Variants in PEX11G observed in about 807,000 individuals in gnomAD.
PEX11G encodes peroxisomal biogenesis factor 11 gamma, also known as peroxisomal membrane protein 11C.
PEX11G carries 20 observed loss-of-function variants against 22.5 expected under a neutral mutation model. The ratio of observed to expected loss-of-function variants is 0.89; its 90% CI spans 0.62 to 1.29. The LOEUF (loss-of-function observed/expected upper bound fraction) is 1.29, where lower values mean the gene tolerates loss of function less well. Among genes scored for constraint, PEX11G ranks in the 50% most tolerant of loss-of-function variants. The pLI is 0.00. For missense variants in PEX11G, 347 were observed against 331.3 expected (o/e 1.05, Z -0.37); for synonymous variants, 141 against 154.5 (o/e 0.91, Z 0.65).
At chr19:7,494,458 C>A (rs1282128607) in intron 1 of PEX11G, among the ~76,000 whole-genome samples, 1 of 152,224 alleles carries the variant, frequency 6.6e-6, no homozygotes, top group Non-Finnish European at 1.5e-5. Context: ...TCACTGGCCG[C>A]AAAGCCTGCT....
rs149433025 is a variant in PEX11G at position 7,485,157 on chromosome 19, T to TAA, written c.249+679_249+680dup. Among the ~76,000 whole-genome samples the TAA allele has an allele frequency of 4.6e-5, 7 of 150,708 alleles. No individual in the cohort carries two copies. The South Asian group carries it at 1.1e-3, about 23-fold the overall frequency. On this transcript the variant is annotated intron_variant, in intron 2 of 4. Coordinates refer to ENST00000221480, the MANE Select transcript of PEX11G (RefSeq NM_080662.4). ...GTATGACAAAGCAAGACCCTGTCTA[T>TAA]AAAAAAAATTTTTTTTGTTTGTTTT...
chr19:7,490,742 C>T (rs1054162654), upstream of PEX11G, among the ~76,000 whole-genome samples: 14 of 139,746 alleles, frequency 1.0e-4, no homozygotes, highest in African/African-American at 3.5e-4. Context: ...GCTCTCTGGG[C>T]CTGAGGACCC....
upstream of PEX11G, among the ~76,000 whole-genome samples, chr19:7,492,428 G>A (rs968454572): frequency 8.5e-5 from 13 of 152,052 alleles, no homozygotes; most frequent in Non-Finnish European, 1.9e-4. Flanking sequence ...ATGTCAACGA[G>A]TCTGTTTGTT....
intron 1 of PEX11G, 119 bp downstream of exon 1, chr19:7,488,832 G>A (rs1333471865): frequency 3.8e-6 from 4 of 1,039,672 alleles, no homozygotes; most frequent in African/African-American, 1.6e-5. Flanking sequence ...AGCCTAGCTC[G>A]GACGGGGCCT....
At chr19:7,493,507 C>A (rs1264640665), upstream of PEX11G, among the ~76,000 whole-genome samples, 1 of 142,512 alleles carries the variant, frequency 7.0e-6, no homozygotes, top group South Asian at 2.3e-4. Context: ...TTTTTTTTTT[C>A]TTCTTGTTTG....
intron 1 of PEX11G, among the ~76,000 whole-genome samples, chr19:7,494,407 A>G (rs73488471): frequency 0.034 from 5,138 of 152,316 alleles, 171 homozygotes; most frequent in African/African-American, 0.083. Flanking sequence ...TAAAACAAAA[A>G]AAAATCCAAA....
At chr19:7,482,749 G>A (rs1977554790) in intron 2 of PEX11G, among the ~76,000 whole-genome samples, 1 of 152,168 alleles carries the variant, frequency 6.6e-6, no homozygotes, top group African/African-American at 2.4e-5. Flanking sequence ...GCCACCGCAC[G>A]CCCACTGCTG....
intron 1 of PEX11G, 40 bp downstream of exon 1, chr19:7,488,911 A>C (rs1568384328): frequency 6.5e-7 from 1 of 1,544,652 alleles, no homozygotes; most frequent in Middle Eastern, 1.7e-4. Flanking sequence ...AGCTTGGGCC[A>C]AACTCTAGGA....
chr19:7,494,284 C>T (rs1269184735), intron 1 of PEX11G, among the ~76,000 whole-genome samples: 1 of 151,876 alleles, frequency 6.6e-6, no homozygotes, highest in Non-Finnish European at 1.5e-5. Context: ...CCCAGCTACT[C>T]AGGAGTCTGA....
chr19:7,478,571 C>T (rs1242082119), intron 3 of PEX11G, among the ~76,000 whole-genome samples, 195 bp from the exon 4 acceptor site: 1 of 152,238 alleles, frequency 6.6e-6, no homozygotes, highest in African/African-American at 2.4e-5. Context: ...AACACGGCCC[C>T]GTCCCACCCG....
At chr19:7,485,719 T>C in intron 2 of PEX11G, 119 bp downstream of exon 2, 2 of 917,160 alleles carry the variant, frequency 2.2e-6, no homozygotes, top group Non-Finnish European at 3.2e-6. Context: ...TCCGCCAGCC[T>C]TGGCCTCACA....
intron 2 of PEX11G, 32 bp downstream of exon 2, chr19:7,485,806 C>T (rs1240692807): frequency 6.4e-7 from 1 of 1,555,060 alleles, no homozygotes. Flanking sequence ...AGGTCCGCAC[C>T]CTACTCCCTA....
intron 2 of PEX11G, 76 bp downstream of exon 2, chr19:7,485,762 A>C: frequency 1.5e-6 from 2 of 1,370,912 alleles, no homozygotes; most frequent in East Asian, 2.4e-5. Flanking sequence ...AGCCACTGTG[A>C]GGGGCCAAAA....
chr19:7,489,296 G>A, upstream of PEX11G: 1 of 1,208,870 alleles, frequency 8.3e-7, no homozygotes, highest in South Asian at 3.0e-5. Flanking sequence ...ATATTTCTAA[G>A]TTTAACCAAC....
upstream of PEX11G, among the ~76,000 whole-genome samples, chr19:7,492,447 T>C (rs1457150794): frequency 6.6e-6 from 1 of 152,132 alleles, no homozygotes; most frequent in Non-Finnish European, 1.5e-5. Context: ...TTGGTTTGTT[T>C]GAATTTTTTT....
chr19:7,490,809 A>G (rs1318453864), upstream of PEX11G, among the ~76,000 whole-genome samples: 1 of 151,110 alleles, frequency 6.6e-6, no homozygotes, highest in Non-Finnish European at 1.5e-5. Flanking sequence ...CCAACTACCC[A>G]CAAAAAAGGG....
At chr19:7,480,301 C>G (rs1239756163) in intron 3 of PEX11G, among the ~76,000 whole-genome samples, 17 of 152,042 alleles carry the variant, frequency 1.1e-4, no homozygotes, top group Admixed American at 1.0e-3. Flanking sequence ...AAGGCTGCCC[C>G]TAAAATACAA....
upstream of PEX11G, among the ~76,000 whole-genome samples, chr19:7,490,504 T>G (rs1441889232): frequency 2.0e-5 from 3 of 149,848 alleles, no homozygotes; most frequent in East Asian, 5.9e-4. Flanking sequence ...TTTTTTTTTT[T>G]TTTTTTTTGT....
chr19:7,484,291 C>T (rs1006675895), intron 2 of PEX11G, among the ~76,000 whole-genome samples: 3 of 151,970 alleles, frequency 2.0e-5, no homozygotes, highest in African/African-American at 7.3e-5. Flanking sequence ...GAAGTCAAGG[C>T]TGCAGCGAGC....
Sources: gnomAD v4.1 joint callset for allele counts (sites outside exome capture counted in the v4.1 genomes callset) on GRCh38, gnomAD v4.1.1 for gene constraint, MANE v1.5 for transcripts, NCBI Gene and HGNC (gene_info 2026-07-23, HGNC 2026-07-21) for gene names.